RAB36: variants seen among roughly 807,000 people sequenced by gnomAD.
The protein encoded by RAB36 is RAB36, member RAS oncogene family.
RAB36 carries 33 observed loss-of-function variants against 39.3 expected under a neutral mutation model. The observed-to-expected ratio is 0.84, with a 90% confidence interval of 0.64 to 1.12. The LOEUF (loss-of-function observed/expected upper bound fraction) is 1.12, where lower values mean the gene tolerates loss of function less well. Among genes scored for constraint, RAB36 ranks in the 50% most tolerant of loss-of-function variants. The probability of loss-of-function intolerance (pLI) is 0.00; values close to 1 mark genes in which losing one functional copy is unlikely to be tolerated. For missense variants in RAB36, 308 were observed against 355.3 expected (o/e 0.87, Z 1.07); for synonymous variants, 133 against 140.2 (o/e 0.95, Z 0.36).
downstream of RAB36, among the ~76,000 whole-genome samples, chr22:23,165,882 C>T (rs1404713525): frequency 6.6e-6 from 1 of 152,122 alleles, no homozygotes; most frequent in East Asian, 1.9e-4. Flanking sequence ...CACAGTGGCT[C>T]ATGCCTGTAA....
At chr22:23,146,544 G>T in intron 1 of RAB36, 61 bp from the exon 2 acceptor site, 1 of 1,583,656 alleles carries the variant, frequency 6.3e-7, no homozygotes, top group South Asian at 1.1e-5. Flanking sequence ...GGAAACTCAT[G>T]GGTGAATCCC....
upstream of RAB36, chr22:23,145,374 C>T (rs150719251): frequency 1.8e-4 from 290 of 1,606,882 alleles, 1 homozygote; most frequent in South Asian, 5.7e-4. Flanking sequence ...CTATGGTGAT[C>T]GCCGGTGCAA....
rs112965537 is a variant in RAB36 at position 23,155,362 on chromosome 22, C to T, written c.330-606C>T. ...TGTGCCCATGGCAGACATCATTAAT[C>T]GATTGTTGTACTCTTTTCCATGGAG... On this transcript the variant is annotated intron_variant, in intron 5 of 10. Transcript: ENST00000263116. 6.3e-3 allele frequency among the ~76,000 whole-genome samples: 960 copies of T among 152,256 alleles called. 11 individuals are homozygous for T. The highest frequency in any genetic ancestry group is 0.021 in the African/African-American group (886 of 41,536).
At chr22:23,145,720 G>A (rs2070729249) in intron 1 of RAB36, among the ~76,000 whole-genome samples, 169 bp downstream of exon 1, 1 of 152,254 alleles carries the variant, frequency 6.6e-6, no homozygotes, top group Non-Finnish European at 1.5e-5. Flanking sequence ...CGCAAACTCT[G>A]GGCCAGGCCC....
At chr22:23,157,332 G>A (rs1194215800) in intron 6 of RAB36, among the ~76,000 whole-genome samples, 1 of 151,756 alleles carries the variant, frequency 6.6e-6, no homozygotes, top group East Asian at 1.9e-4. Context: ...CTCACTGCAA[G>A]CTCCGCCTCC....
chr22:23,145,693 C>A (rs1323764133), intron 1 of RAB36, 142 bp downstream of exon 1: 1 of 1,065,650 alleles, frequency 9.4e-7, no homozygotes, highest in Non-Finnish European at 1.3e-6. Flanking sequence ...GGCCCCGGGG[C>A]GTCCTCATTT....
rs1467404233 is a variant in RAB36, at chr22:23,163,357, G to A, written c.*1793G>A. On this transcript the variant is annotated 3_prime_UTR_variant, in exon 11 of 11. Transcript: ENST00000263116. The stretch of plus-strand genomic sequence containing the variant: ...CCATTCTCCTGCCTCAGCCTCCCGA[G>A]TAGCTGGGACTACAGGCACGTGTGA... The A allele has an allele frequency of 1.2e-4, 19 of 152,708 alleles. No homozygotes were observed. The highest frequency in any genetic ancestry group is 2.9e-5 in the Non-Finnish European group (2 of 68,468). The allele number at this position is 152,708 out of a possible 1,614,324, so 9.5% of individuals were successfully genotyped here. A position where few individuals can be genotyped will look rare whatever the true frequency, so the allele number is the denominator to read the frequency against.
chr22:23,161,921 C>T lies in RAB36; in HGVS notation c.*357C>T, dbSNP rs1156891515. ...AACTCCTGCGTCGGTCTATACTACT[C>T]GGCCATGGCCCACATCAGCAGTCAA... On this transcript the variant is annotated 3_prime_UTR_variant, in exon 11 of 11. Transcript: ENST00000263116. The T allele has an allele frequency of 3.7e-5, 9 of 245,570 alleles. 1 individual carries two copies. Among genetic ancestry groups the T allele is most frequent in the Non-Finnish European group, 6.4e-5 (8 of 125,236 alleles). The allele number at this position is 245,570 out of a possible 1,614,324, so 15.2% of individuals were successfully genotyped here.
Position 23,145,556 on chromosome 22 carries a change from G to C in RAB36, c.-13+5G>C. 6.3e-7 allele frequency: 1 copy of C among 1,598,856 alleles called. No homozygotes were observed. The highest frequency in any genetic ancestry group is 1.1e-5 in the South Asian group (1 of 90,836). On this transcript the variant is annotated splice_donor_5th_base_variant and intron_variant, in intron 1 of 10. Coordinates refer to ENST00000263116, the MANE Select transcript of RAB36 (RefSeq NM_004914.5). ...CAGCTTTCACAGCCATCGCTGGTGAGTCAGCTCGCCCACTCTGTCCGACCC... is the reference window on the plus strand; with the variant it reads ...CAGCTTTCACAGCCATCGCTGGTGACTCAGCTCGCCCACTCTGTCCGACCC...
chr22:23,165,702 G>A (rs2032969397), downstream of RAB36, among the ~76,000 whole-genome samples: 1 of 152,180 alleles, frequency 6.6e-6, no homozygotes, highest in Non-Finnish European at 1.5e-5. Context: ...CTCCCTGCTT[G>A]GTAGCTGGGC....
intron 1 of RAB36, 93 bp from the exon 2 acceptor site, chr22:23,146,512 T>G: frequency 1.3e-6 from 2 of 1,516,428 alleles, no homozygotes; most frequent in Non-Finnish European, 1.8e-6. Context: ...GCACCCAGCC[T>G]GGATCTGATG....
chr22:23,148,262 C>G (rs905364423), intron 2 of RAB36, among the ~76,000 whole-genome samples: 1 of 152,204 alleles, frequency 6.6e-6, no homozygotes, highest in Non-Finnish European at 1.5e-5. Context: ...TCCATCTCAA[C>G]AGAGGCTCAG....
chr22:23,167,718 T>C (rs913596792), downstream of RAB36, among the ~76,000 whole-genome samples: 7 of 152,066 alleles, frequency 4.6e-5, no homozygotes, highest in Non-Finnish European at 8.8e-5. Flanking sequence ...TTTATTTTTT[T>C]TTTTAAGGCA....
chr22:23,168,515 C>T (rs2072087315), downstream of RAB36, among the ~76,000 whole-genome samples: 1 of 152,150 alleles, frequency 6.6e-6, no homozygotes. Context: ...CACACAGACA[C>T]CTGCCGCTTC....
chr22:23,152,723 C>T (rs1028624436), intron 4 of RAB36, among the ~76,000 whole-genome samples, 197 bp downstream of exon 4: 22 of 152,190 alleles, frequency 1.4e-4, no homozygotes, highest in African/African-American at 2.9e-4. Context: ...GAAATTGTGG[C>T]GTCCCAGGAG....
downstream of RAB36, among the ~76,000 whole-genome samples, chr22:23,169,258 A>G (rs1472375268): frequency 6.6e-6 from 1 of 152,182 alleles, no homozygotes. Context: ...TGGGGGCAGG[A>G]ATAAAGGACA....
chr22:23,156,361 G>T (rs983387480), intron 6 of RAB36: 1 of 252,580 alleles, frequency 4.0e-6, no homozygotes, highest in East Asian at 1.4e-4. Context: ...CCAGGGGGAG[G>T]TCGGAGGAGG....
At chr22:23,145,876 T>G (rs1601878765) in intron 1 of RAB36, 1 of 668,874 alleles carries the variant, frequency 1.5e-6, no homozygotes, top group Non-Finnish European at 1.8e-6. Context: ...AGAGGCCTGG[T>G]GAAGTGAGGG....
intron 1 of RAB36, 53 bp from the exon 2 acceptor site, chr22:23,146,552 C>G: frequency 6.3e-7 from 1 of 1,592,716 alleles, no homozygotes; most frequent in South Asian, 1.1e-5. Context: ...ATGGGTGAAT[C>G]CCCAGGTATT....
Sources: allele counts gnomAD v4.1 joint callset (sites outside exome capture counted in the v4.1 genomes callset), GRCh38; gene constraint gnomAD v4.1.1; transcripts MANE v1.5; gene names NCBI Gene and HGNC (gene_info 2026-07-23, HGNC 2026-07-21).